Variants in IFI44L observed in about 807,000 individuals in gnomAD.
IFI44L encodes the protein interferon induced protein 44 like.
IFI44L carries 40 observed loss-of-function variants against 39.3 expected under a neutral mutation model. That is an observed-to-expected ratio of 1.02 (90% CI 0.79 to 1.33). IFI44L has a LOEUF of 1.33. IFI44L is among the 40% of genes most tolerant of loss of function. The pLI, the probability that IFI44L is intolerant of heterozygous loss-of-function variation, is 0.00. For missense variants in IFI44L, 623 were observed against 549.0 expected, an observed-to-expected ratio of 1.13 and a Z score of -1.35; for synonymous variants, 198 against 182.3, an observed-to-expected ratio of 1.09 and a Z score of -0.69.
At position 78,628,961 on chromosome 1, in the gene IFI44L, TA is replaced by T. The variant is rs774767429; in HGVS notation, c.491del (p.Asn164ThrfsTer2). The T allele has an allele frequency of 1.1e-5, 17 of 1,572,682 alleles. No individual in the cohort carries two copies. Among genetic ancestry groups the T allele is most frequent in the Admixed American group, 1.7e-5 (1 of 59,166 alleles). On this transcript the variant is annotated frameshift_variant, in exon 3 of 9. Coordinates refer to ENST00000370751, the MANE Select transcript of IFI44L (RefSeq NM_006820.4). LOFTEE classifies it high-confidence loss of function. ...GTTTATTTCCTATAGGAATTAAGGA[TA>T]ACCTAGACGACATAAAGAGGATAAT... ...EVFRVEGIKD[N>X]LDDIKRIIKA... is the part of the protein sequence containing the mutation.
chr1:78,634,284 G>T (rs2100496288), intron 4 of IFI44L, among the ~76,000 whole-genome samples: 1 of 152,192 alleles, frequency 6.6e-6, no homozygotes, highest in South Asian at 2.1e-4. Context: ...AAATCAAACT[G>T]TAAAATATCA....
intron 1 of IFI44L, among the ~76,000 whole-genome samples, chr1:78,623,708 C>A (rs1652373956): frequency 6.6e-6 from 1 of 152,002 alleles, no homozygotes; most frequent in Non-Finnish European, 1.5e-5. Flanking sequence ...GTGGAACTCC[C>A]AGTCTGAAAT....
In IFI44L at chr1:78,637,146, C is replaced by G. The variant is rs202038831; in HGVS notation, c.991C>G (p.Leu331Val). 1.2e-5 allele frequency: 20 copies of G among 1,609,860 alleles called. No individual in the cohort carries two copies. The African/African-American group carries it at 2.3e-4, about 18-fold the overall frequency. Reference protein sequence around the residue: ...YVLDINSIDNLYSKMLAKVKQ... With the variant: ...YVLDINSIDNVYSKMLAKVKQ... ...CTTAGACATCAACTCTATTGACAAT[C>G]TCTACTCTAAAATGTTGGCAAAAGT... The change falls in exon 6 of 9, where the codon CTC (leucine) becomes GTC (valine). Residue 331 changes from leucine to valine, a missense_variant. Leu to Val is a conservative substitution (Grantham distance 32, BLOSUM62 1). Transcript: ENST00000370751.
chr1:78,628,136 A>G lies in IFI44L; in HGVS notation c.221A>G (p.Glu74Gly), dbSNP rs116067003. ...FMLGNYINLH[E>G]SSTEPNDSLW... ...CTTGGAAATTATATTAATTTACATG[A>G]AAGTTCTACAGAGCCAAATGATTCC... The change falls in exon 2 of 9, where the codon GAA becomes GGA. Residue 74 changes from glutamate to glycine, a missense_variant. Coordinates refer to ENST00000370751, the MANE Select transcript of IFI44L (RefSeq NM_006820.4). The G allele has an allele frequency of 1.6e-4, 251 of 1,611,922 alleles. No individual in the cohort carries two copies. In the African/African-American group the frequency reaches 3.0e-3, roughly 19 times the overall value.
intron 1 of IFI44L, among the ~76,000 whole-genome samples, chr1:78,625,163 G>A (rs1418884631): frequency 1.3e-5 from 2 of 150,932 alleles, no homozygotes; most frequent in Admixed American, 6.6e-5. Context: ...TGCTTATAAC[G>A]CCATTAACAG....
intron 6 of IFI44L, among the ~76,000 whole-genome samples, chr1:78,637,751 A>G (rs1653005023): frequency 6.6e-6 from 1 of 152,022 alleles, no homozygotes; most frequent in Non-Finnish European, 1.5e-5. Context: ...TTTTGACTCA[A>G]CCTAATATCC....
Position 78,628,049 on chromosome 1 carries a change from G to T in IFI44L, c.134G>T (p.Ser45Ile), listed in dbSNP as rs1652562606. The T allele has an allele frequency of 6.2e-7, 1 of 1,613,074 alleles. No homozygotes were observed. Among genetic ancestry groups the T allele is most frequent in the African/African-American group, 1.3e-5 (1 of 74,872 alleles). ...ATTGAAGATATGGTTGAAAGATGCAGCCGTCAGGGATGTACTATAACAATG... is the reference window on the plus strand; with the variant it reads ...ATTGAAGATATGGTTGAAAGATGCATCCGTCAGGGATGTACTATAACAATG... ...GSIEDMVERC[S>I]RQGCTITMAY... The change falls in exon 2 of 9, where the codon AGC becomes ATC. Residue 45 changes from serine to isoleucine, a missense_variant. Physicochemically the swap from Ser to Ile is moderately radical, Grantham distance 142. Transcript: ENST00000370751.
chr1:78,640,190 G>A (rs1368377512), intron 6 of IFI44L, among the ~76,000 whole-genome samples: 1 of 152,080 alleles, frequency 6.6e-6, no homozygotes, highest in Non-Finnish European at 1.5e-5. Context: ...GTGCTGGATG[G>A]CAATGCTTAA....
chr1:78,644,908 G>A lies in IFI44L; in HGVS notation c.*3099G>A, dbSNP rs887921560. 1 of 152,142 alleles carries A rather than the reference G, an allele frequency of 6.6e-6. No individual in the cohort carries two copies. Among genetic ancestry groups the A allele is most frequent in the Non-Finnish European group, 1.5e-5 (1 of 68,024 alleles). The allele number at this position is 152,142 out of a possible 1,614,324, so 9.4% of individuals were successfully genotyped here. On this transcript the variant is annotated 3_prime_UTR_variant, in exon 9 of 9. Transcript: ENST00000370751. The stretch of plus-strand genomic sequence containing the variant: ...AAGTGACTGTTTCTGACAGAAATTT[G>A]TAGCTTTGTGCAAACTCACCCACCA...
At chr1:78,639,873 G>C (rs1245938100) in intron 6 of IFI44L, among the ~76,000 whole-genome samples, 1 of 152,078 alleles carries the variant, frequency 6.6e-6, no homozygotes, top group Non-Finnish European at 1.5e-5. Context: ...TTAATGTATA[G>C]AGCATGGTCT....
chr1:78,640,778 T>C lies in IFI44L; in HGVS notation c.1049-243T>C, dbSNP rs1646973194. ...AAAACAAACCATTTGAATGGAATCG[T>C]AGATGATTGCAATTTAGTGTGGATT... On this transcript the variant is annotated intron_variant, in intron 6 of 8. Transcript: ENST00000370751. 2.0e-5 allele frequency among the ~76,000 whole-genome samples: 3 copies of C among 152,192 alleles called. No homozygotes were observed. In the South Asian group the frequency reaches 6.2e-4, roughly 32 times the overall value.
chr1:78,641,789 G>C lies in IFI44L; in HGVS notation c.1339G>C (p.Ala447Pro), dbSNP rs767627949. Residue 447 changes from alanine (A) to proline (P), a missense_variant, in exon 9 of 9, where the codon GCG becomes CCG. Ala to Pro is a conservative substitution (Grantham distance 27). Coordinates refer to ENST00000370751, the MANE Select transcript of IFI44L (RefSeq NM_006820.4). ...TTCATTTTCAGGTGCAATTGAGAGA[G>C]CGTTACAGCCCTGCATTTGAGATAA... Reference protein sequence around the residue: ...PLEETGAIERALQPCI With the variant: ...PLEETGAIERPLQPCI 1 of 1,613,726 alleles carries C rather than the reference G, an allele frequency of 6.2e-7. No individual in the cohort carries two copies. The highest frequency in any genetic ancestry group is 8.5e-7 in the Non-Finnish European group (1 of 1,179,676).
rs1417539495 is a variant in IFI44L, at chr1:78,641,035, G to T, written c.1063G>T (p.Ala355Ser). Reference protein sequence around the residue: ...EVLNCGIAYVALLTKVDDCSE... With the variant: ...EVLNCGIAYVSLLTKVDDCSE... ...ATTTGATATAGGTATAGCATATGTG[G>T]CCTTGCTTACTAAAGTGGATGATTG... Residue 355 changes from alanine (A) to serine (S), a missense_variant, in exon 7 of 9, where the codon GCC becomes TCC. Transcript: ENST00000370751. 8 of 1,610,202 alleles carry T rather than the reference G, an allele frequency of 5.0e-6. No individual in the cohort carries two copies. Among genetic ancestry groups the T allele is most frequent in the Admixed American group, 1.7e-5 (1 of 59,958 alleles).
In IFI44L at chr1:78,640,918, G is replaced by A. The variant is rs921261165; in HGVS notation, c.1049-103G>A. On this transcript the variant is annotated intron_variant, in intron 6 of 8. Transcript: ENST00000370751. ...TGTATTGGGGATATTTCATTCTTCA[G>A]CTCTCAAAATCACCCTATAGAGTTG... 9.6e-6 allele frequency: 7 copies of A among 725,812 alleles called. 1 individual carries two copies. In the Admixed American group the frequency reaches 1.6e-4, roughly 16 times the overall value. The allele number at this position is 725,812 out of a possible 1,614,324, so 45.0% of individuals were successfully genotyped here.
rs759956673 is a variant in IFI44L at position 78,635,334 on chromosome 1, C to A, written c.724-3C>A. On this transcript the variant is annotated splice_polypyrimidine_tract_variant and splice_region_variant and intron_variant, in intron 4 of 8. Transcript: ENST00000370751. ...CTTTACACTTAATGTATTTTTTTAA[C>A]AGTATAGGATATATTCTGTTAAAGA... 13 of 1,576,330 alleles carry A rather than the reference C, an allele frequency of 8.2e-6. No individual in the cohort carries two copies. In the East Asian group the frequency reaches 2.2e-4, roughly 27 times the overall value.
At chr1:78,634,576 A>C (rs1004015274) in intron 4 of IFI44L, among the ~76,000 whole-genome samples, 4 of 152,154 alleles carry the variant, frequency 2.6e-5, no homozygotes, top group Non-Finnish European at 4.4e-5. Flanking sequence ...GTCTTACAAG[A>C]ATGTTAAAGC....
chr1:78,636,673 A>C (rs1474949795), intron 5 of IFI44L: 1 of 173,862 alleles, frequency 5.8e-6, no homozygotes, highest in East Asian at 1.7e-4. Flanking sequence ...TAAGCATGCA[A>C]AATGCTTAGG....
At chr1:78,633,791 C>T (rs1305456303) in intron 4 of IFI44L, among the ~76,000 whole-genome samples, 1 of 151,774 alleles carries the variant, frequency 6.6e-6, no homozygotes, top group Non-Finnish European at 1.5e-5. Flanking sequence ...TTTAAGGAAG[C>T]ACAGCAAACT....
chr1:78,629,561 A>T, intron 3 of IFI44L, 159 bp from the exon 4 acceptor site: 2 of 489,818 alleles, frequency 4.1e-6, no homozygotes, highest in Non-Finnish European at 7.0e-6. Context: ...AGATATTTCA[A>T]ATCATATTAT....
Sources: gnomAD v4.1 joint callset for allele counts (sites outside exome capture counted in the v4.1 genomes callset) on GRCh38, gnomAD v4.1.1 for gene constraint, MANE v1.5 for transcripts, NCBI Gene and HGNC (gene_info 2026-07-23, HGNC 2026-07-21) for gene names.